Variants in BMPR1A observed in about 807,000 individuals in gnomAD.
BMPR1A encodes the protein bone morphogenetic protein receptor type-1A.
A neutral mutation model predicts 66.0 loss-of-function variants in BMPR1A; 7 were observed. The observed-to-expected ratio is 0.11, with a 90% CI of 0.06 to 0.20. BMPR1A has a LOEUF of 0.20. Among genes scored for constraint, BMPR1A ranks in the 10% least tolerant of loss-of-function variants. The pLI, the probability that BMPR1A is intolerant of heterozygous loss-of-function variation, is 1.00. For synonymous variants in BMPR1A, 200 were observed against 229.7 expected (o/e 0.87, Z 1.17); for missense variants, 408 against 669.1 (o/e 0.61, Z 4.31).
At position 86,926,629 on chromosome 10, in the gene BMPR1A, A is replaced by G. The variant is rs1843749887; in HGVS notation, c.*2910A>G. Reference sequence around the variant, plus strand: ...ATCTGAAGCTCATCGACTAAGTGAAATATTTAAAGAATATGATAGGCCAGC... The same window carrying G: ...ATCTGAAGCTCATCGACTAAGTGAAGTATTTAAAGAATATGATAGGCCAGC... On this transcript the variant is annotated 3_prime_UTR_variant, in exon 13 of 13. Coordinates refer to ENST00000372037, the MANE Select transcript of BMPR1A (RefSeq NM_004329.3). The G allele has an allele frequency of 5.5e-6, 1 of 181,974 alleles. No homozygotes were observed. 11.3% of individuals were successfully genotyped at this position (181,974 alleles called of 1,614,324 possible).
chr10:86,835,277 A>C (rs1842325562), intron 1 of BMPR1A, among the ~76,000 whole-genome samples: 1 of 150,962 alleles, frequency 6.6e-6, no homozygotes, highest in Non-Finnish European at 1.5e-5. Flanking sequence ...AAAAAAAACA[A>C]ACAAGTGTCC....
intron 2 of BMPR1A, chr10:86,856,287 T>C: frequency 2.0e-6 from 1 of 506,068 alleles, no homozygotes; most frequent in Non-Finnish European, 3.9e-6. Flanking sequence ...TTAGTACCTG[T>C]GGCATTTCGA....
chr10:86,781,455 G>A (rs908782039), intron 1 of BMPR1A, among the ~76,000 whole-genome samples: 1 of 152,124 alleles, frequency 6.6e-6, no homozygotes, highest in Non-Finnish European at 1.5e-5. Context: ...ATTTTCAGGT[G>A]TTGTATTGTG....
chr10:86,906,829 G>T (rs1017591325), intron 7 of BMPR1A, among the ~76,000 whole-genome samples: 4 of 149,910 alleles, frequency 2.7e-5, no homozygotes, highest in Non-Finnish European at 5.9e-5. Context: ...AGATTATTTG[G>T]TGTTGTGCCA....
chr10:86,780,327 AT>A (rs910602589), intron 1 of BMPR1A, among the ~76,000 whole-genome samples: 1 of 151,750 alleles, frequency 6.6e-6, no homozygotes, highest in African/African-American at 2.4e-5. Context: ...CCATTTGTTT[AT>A]TTTTGCTTTT....
intron 2 of BMPR1A, among the ~76,000 whole-genome samples, chr10:86,849,612 A>G (rs1457134058): frequency 1.3e-5 from 2 of 152,240 alleles, no homozygotes; most frequent in African/African-American, 4.8e-5. Context: ...ATAAGCTTCT[A>G]GAACTACACT....
intron 1 of BMPR1A, among the ~76,000 whole-genome samples, chr10:86,804,121 TTCTCATAGGGGATTTAAAA>T (rs1440457140): frequency 1.3e-5 from 2 of 152,340 alleles, no homozygotes; most frequent in African/African-American, 4.8e-5. Flanking sequence ...TTTCAGTTTA[TTCTCATAGGGGATTTAAAA>T]TATATCATCT....
At chr10:86,846,082 T>G (rs181622719) in intron 2 of BMPR1A, among the ~76,000 whole-genome samples, 19 of 152,322 alleles carry the variant, frequency 1.2e-4, no homozygotes, top group African/African-American at 4.6e-4. Context: ...CAGCTGGTCC[T>G]GAGCTCTTAT....
At chr10:86,852,203 T>C (rs929526378) in intron 2 of BMPR1A, among the ~76,000 whole-genome samples, 3 of 152,084 alleles carry the variant, frequency 2.0e-5, no homozygotes, top group South Asian at 4.1e-4. Context: ...CAAGTTCTTA[T>C]ACATTTCAAA....
intron 2 of BMPR1A, among the ~76,000 whole-genome samples, chr10:86,874,966 G>A (rs1043691576): frequency 1.3e-5 from 2 of 148,682 alleles, no homozygotes; most frequent in South Asian, 2.1e-4. Flanking sequence ...TTCACTTCAG[G>A]TGATCTGCCC....
intron 3 of BMPR1A, among the ~76,000 whole-genome samples, chr10:86,878,845 C>T (rs1436612931): frequency 6.6e-6 from 1 of 151,978 alleles, no homozygotes. Flanking sequence ...GTGTGTTGTT[C>T]CCCCAAACAA....
At chr10:86,797,068 CTT>C (rs780930060) in intron 1 of BMPR1A, among the ~76,000 whole-genome samples, 17,298 of 104,758 alleles carry the variant, frequency 0.17, 2,611 homozygotes, top group African/African-American at 0.44. Flanking sequence ...CTTTTCTTTT[CTT>C]TTTTTTTTTT....
At chr10:86,769,238 G>A (rs1231497482) in intron 1 of BMPR1A, among the ~76,000 whole-genome samples, 1 of 152,132 alleles carries the variant, frequency 6.6e-6, no homozygotes, top group Non-Finnish European at 1.5e-5. Context: ...TCCCACCAAT[G>A]TCAAACAAGT....
intron 9 of BMPR1A, 75 bp downstream of exon 9, chr10:86,917,401 C>T: frequency 1.9e-6 from 3 of 1,542,444 alleles, no homozygotes; most frequent in Non-Finnish European, 1.8e-6. Flanking sequence ...TCCATATGTG[C>T]TTTGAAAATG....
intron 3 of BMPR1A, among the ~76,000 whole-genome samples, chr10:86,881,699 G>A (rs1470865977): frequency 2.0e-5 from 3 of 152,088 alleles, no homozygotes; most frequent in Non-Finnish European, 4.4e-5. Flanking sequence ...TCCAGACTGT[G>A]GTAAATACTA....
chr10:86,860,551 C>T (rs1021773911), intron 2 of BMPR1A, among the ~76,000 whole-genome samples: 5 of 152,006 alleles, frequency 3.3e-5, no homozygotes, highest in African/African-American at 4.8e-5. Context: ...TGGTGGATCA[C>T]CCGAGATCAA....
Position 86,925,641 on chromosome 10 carries a change from A to T in BMPR1A, c.*1922A>T. ...TTAATCTGCGTTGCCGTATGATATGATTGCACTTAGAACACCCAATTTACT... is the reference window on the plus strand; with the variant it reads ...TTAATCTGCGTTGCCGTATGATATGTTTGCACTTAGAACACCCAATTTACT... On this transcript the variant is annotated 3_prime_UTR_variant, in exon 13 of 13. Coordinates refer to ENST00000372037, the MANE Select transcript of BMPR1A (RefSeq NM_004329.3). 5.3e-6 allele frequency: 1 copy of T among 188,370 alleles called. No individual in the cohort carries two copies. Among genetic ancestry groups the T allele is most frequent in the Non-Finnish European group, 1.1e-5 (1 of 90,970 alleles). The allele number at this position is 188,370 out of a possible 1,614,324, so 11.7% of individuals were successfully genotyped here. A position where few individuals can be genotyped will look rare whatever the true frequency, so the allele number is the denominator to read the frequency against.
chr10:86,905,849 A>G (rs1169720102), intron 7 of BMPR1A, among the ~76,000 whole-genome samples: 2 of 152,054 alleles, frequency 1.3e-5, no homozygotes, highest in African/African-American at 2.4e-5. Context: ...TTTATTTAAT[A>G]AGAAAGAAAC....
In BMPR1A at chr10:86,838,476, A is replaced by G. The variant is rs1028956684; in HGVS notation, c.-267-389A>G. 3.3e-5 allele frequency among the ~76,000 whole-genome samples: 5 copies of G among 152,220 alleles called. No homozygotes were observed. In the South Asian group the frequency reaches 8.3e-4, roughly 25 times the overall value. On this transcript the variant is annotated intron_variant, in intron 1 of 12. Transcript: ENST00000372037. Reference sequence around the variant, plus strand: ...TAATACAAAAGTAGAAAAAAGTGATATTAGCTAGGTGGTCCAATATATTTT... The same window carrying G: ...TAATACAAAAGTAGAAAAAAGTGATGTTAGCTAGGTGGTCCAATATATTTT...
Sources: gnomAD v4.1 joint callset for allele counts (sites outside exome capture counted in the v4.1 genomes callset) on GRCh38, gnomAD v4.1.1 for gene constraint, MANE v1.5 for transcripts, NCBI Gene and HGNC (gene_info 2026-07-23, HGNC 2026-07-21) for gene names.